Variants in ARMC2 observed in about 807,000 individuals in gnomAD.
ARMC2 encodes armadillo repeat containing 2, also known as armadillo repeat-containing protein 2.
Under a neutral mutation model 90.3 loss-of-function variants are expected in ARMC2, and 67 were observed. The ratio of observed to expected loss-of-function variants is 0.74; its 90% CI spans 0.61 to 0.91. The LOEUF (loss-of-function observed/expected upper bound fraction) is 0.91. ARMC2 is among the 40% of genes least tolerant of loss of function. ARMC2 has a pLI of 0.00. For missense variants in ARMC2, 920 were observed against 1,030.9 expected (o/e 0.89, Z 1.47); for synonymous variants, 393 against 393.0 (o/e 1.00, Z 0.00).
At chr6:108,852,707 T>C (rs1412761719) in intron 1 of ARMC2, among the ~76,000 whole-genome samples, 1 of 152,200 alleles carries the variant, frequency 6.6e-6, no homozygotes, top group South Asian at 2.1e-4. Context: ...ATTGTTAGAC[T>C]TATTAGTGCC....
the ARMC2 span, among the ~76,000 whole-genome samples, chr6:108,987,852 G>T: frequency 7.0e-6 from 1 of 143,546 alleles, no homozygotes; most frequent in African/African-American, 2.7e-5. Flanking sequence ...TCCCAGGCTC[G>T]GGTGCAGTGG....
chr6:109,026,505 C>CT, the ARMC2 span, among the ~76,000 whole-genome samples: 36 of 149,914 alleles, frequency 2.4e-4, 1 homozygote, highest in Admixed American at 1.3e-3. Flanking sequence ...GTAGGTTTAA[C>CT]TTTTTTTTTT....
At chr6:108,952,251 T>C (rs1354026205) in intron 12 of ARMC2, among the ~76,000 whole-genome samples, 1 of 152,262 alleles carries the variant, frequency 6.6e-6, no homozygotes, top group Non-Finnish European at 1.5e-5. Context: ...GTGATTTTTG[T>C]ATCTTGTTTA....
At chr6:108,864,600 C>G (rs1379765356) in intron 3 of ARMC2, among the ~76,000 whole-genome samples, 1 of 151,958 alleles carries the variant, frequency 6.6e-6, no homozygotes, top group East Asian at 1.9e-4. Context: ...TCTTTTGTTG[C>G]GTGTGTGTGT....
At chr6:109,022,713 C>T in the ARMC2 span, among the ~76,000 whole-genome samples, 2 of 151,950 alleles carry the variant, frequency 1.3e-5, no homozygotes, top group African/African-American at 4.8e-5. Flanking sequence ...CATGCCTGGC[C>T]GTTCTAAAGC....
chr6:108,901,322 G>A (rs1225053095), intron 7 of ARMC2, among the ~76,000 whole-genome samples: 1 of 151,486 alleles, frequency 6.6e-6, no homozygotes, highest in Non-Finnish European at 1.5e-5. Context: ...TCACCATATT[G>A]GCCAGGCTGG....
chr6:108,900,250 T>C (rs1248207030), intron 7 of ARMC2, among the ~76,000 whole-genome samples: 1 of 152,212 alleles, frequency 6.6e-6, no homozygotes, highest in East Asian at 1.9e-4. Context: ...AGGGAGCACA[T>C]CCGTCAGGAA....
intron 10 of ARMC2, among the ~76,000 whole-genome samples, chr6:108,915,398 G>A (rs368677369): frequency 3.3e-4 from 51 of 152,276 alleles, no homozygotes; most frequent in African/African-American, 1.1e-3. Context: ...ATCTAGTGGC[G>A]TGACTGCTTT....
chr6:108,870,024 A>G (rs950206851), intron 4 of ARMC2, among the ~76,000 whole-genome samples: 11 of 152,324 alleles, frequency 7.2e-5, no homozygotes, highest in African/African-American at 2.6e-4. Context: ...GTTCAGGGTC[A>G]TATTACAAAC....
chr6:109,009,581 C>G, the ARMC2 span: 2 of 1,085,104 alleles, frequency 1.8e-6, no homozygotes, highest in Non-Finnish European at 2.2e-6. Flanking sequence ...CGCCGACAAA[C>G]AAGCCGCGCG....
downstream of ARMC2, among the ~76,000 whole-genome samples, chr6:108,974,748 G>C (rs149271032): frequency 4.7e-3 from 715 of 152,088 alleles, 4 homozygotes; most frequent in Non-Finnish European, 8.7e-3. Context: ...ATGAGAGCAG[G>C]CATCCCAGAC....
intron 5 of ARMC2, among the ~76,000 whole-genome samples, chr6:108,879,383 C>CCATT (rs1371699824): frequency 6.6e-6 from 1 of 151,744 alleles, no homozygotes; most frequent in African/African-American, 2.4e-5. Context: ...ATCCACCCAT[C>CCATT]CATTCATCCA....
chr6:108,973,808 C>A lies in ARMC2; in HGVS notation c.*294C>A. ...CTCTATTAAACAATTTAGTTCTAGT[C>A]TTAAAATCTTGATTTAACAATTTTG... On this transcript the variant is annotated 3_prime_UTR_variant, in exon 18 of 18. Transcript: ENST00000392644. The A allele has an allele frequency of 8.4e-6, 2 of 238,976 alleles. No homozygotes were observed. Among genetic ancestry groups the A allele is most frequent in the Non-Finnish European group, 1.6e-5 (2 of 122,238 alleles). 14.8% of individuals were successfully genotyped at this position (238,976 alleles called of 1,614,324 possible).
intron 9 of ARMC2, 62 bp from the exon 10 acceptor site, chr6:108,912,272 CT>C (rs1453618011): frequency 3.3e-6 from 4 of 1,198,368 alleles, no homozygotes; most frequent in Non-Finnish European, 4.7e-6. Context: ...CACACAAGTG[CT>C]TTAATATATT....
intron 13 of ARMC2, among the ~76,000 whole-genome samples, chr6:108,956,087 T>A (rs1476838551): frequency 6.6e-6 from 1 of 152,170 alleles, no homozygotes; most frequent in Non-Finnish European, 1.5e-5. Flanking sequence ...CTCCTCAGGA[T>A]CTAGCAGAAG....
chr6:108,990,228 G>A, the ARMC2 span, among the ~76,000 whole-genome samples: 3 of 152,324 alleles, frequency 2.0e-5, no homozygotes, highest in South Asian at 2.1e-4. Flanking sequence ...ATGAGAGCAA[G>A]TACTCCTCAG....
intron 8 of ARMC2, among the ~76,000 whole-genome samples, chr6:108,910,272 T>G (rs1773276335): frequency 1.3e-5 from 2 of 152,082 alleles, no homozygotes; most frequent in African/African-American, 4.8e-5. Context: ...GAGACCAGCC[T>G]GGGCAACATC....
the ARMC2 span, among the ~76,000 whole-genome samples, chr6:109,018,799 TATA>T: frequency 6.6e-6 from 1 of 152,186 alleles, no homozygotes; most frequent in African/African-American, 2.4e-5. Flanking sequence ...TATCTAAGTC[TATA>T]ATTTCAGGGA....
the ARMC2 span, among the ~76,000 whole-genome samples, chr6:108,989,346 A>G: frequency 4.1e-4 from 62 of 152,210 alleles, no homozygotes; most frequent in African/African-American, 1.5e-3. Context: ...CGAAATTAAG[A>G]AACAAATTAA....
Sources: allele counts gnomAD v4.1 joint callset (sites outside exome capture counted in the v4.1 genomes callset), GRCh38; gene constraint gnomAD v4.1.1; transcripts MANE v1.5; gene names NCBI Gene and HGNC (gene_info 2026-07-23, HGNC 2026-07-21).